CBLC: variants seen among roughly 807,000 people sequenced by gnomAD.
CBLC encodes E3 ubiquitin-protein ligase CBL-C.
Under a neutral mutation model 58.6 loss-of-function variants are expected in CBLC, and 46 were observed. The ratio of observed to expected loss-of-function variants is 0.79; its 90% CI spans 0.62 to 1.00. CBLC has a LOEUF of 1.00. CBLC is among the 50% of genes least tolerant of loss of function. The pLI is 0.00. For missense variants in CBLC, 655 were observed against 625.8 expected, an observed-to-expected ratio of 1.05 and a Z score of -0.50; for synonymous variants, 271 against 264.2, an observed-to-expected ratio of 1.03 and a Z score of -0.25.
intron 5 of CBLC, among the ~76,000 whole-genome samples, chr19:44,786,963 T>C (rs1431642697): frequency 6.6e-6 from 1 of 152,116 alleles, no homozygotes; most frequent in Non-Finnish European, 1.5e-5. Flanking sequence ...GGTGTATGCC[T>C]ATAATCCCAG....
rs748217307 is a variant in CBLC, at chr19:44,781,333, C to T, written c.627C>T (p.Phe209=). ...CCTGCAGCGGGCACGTGTCCATCTT[C>T]GAGTTCGACGTCTTCACCAGGCTCT... ...DLTCSGHVSI[F]EFDVFTRLFQ... The change falls in exon 3 of 11, where the codon TTC becomes TTT. Residue 209 remains phenylalanine, a synonymous_variant. Coordinates refer to ENST00000647358, the MANE Select transcript of CBLC (RefSeq NM_012116.4). 2 of 1,611,768 alleles carry T rather than the reference C, an allele frequency of 1.2e-6. No individual in the cohort carries two copies. The highest frequency in any genetic ancestry group is 1.1e-5 in the South Asian group (1 of 91,088).
chr19:44,796,208 C>T (rs776222879), intron 9 of CBLC, among the ~76,000 whole-genome samples: 9 of 151,954 alleles, frequency 5.9e-5, no homozygotes, highest in Non-Finnish European at 8.8e-5. Context: ...GAGGGTGAGA[C>T]CCTGTCTCAA....
chr19:44,796,917 G>C (rs970673439), intron 9 of CBLC, among the ~76,000 whole-genome samples: 6 of 152,060 alleles, frequency 3.9e-5, no homozygotes, highest in African/African-American at 1.4e-4. Flanking sequence ...GCGGTGGGGG[G>C]GAGGGTGGCG....
chr19:44,778,115 C>T lies in CBLC; in HGVS notation c.184C>T (p.Arg62Trp), dbSNP rs1967617699. The T allele has an allele frequency of 1.2e-6, 2 of 1,600,568 alleles. No individual in the cohort carries two copies. Among genetic ancestry groups the T allele is most frequent in the East Asian group, 4.5e-5 (2 of 44,584 alleles). ...AQLLREVAHSRRAAGGGGPGG... is the reference protein window; with the variant it reads ...AQLLREVAHSWRAAGGGGPGG... The stretch of plus-strand genomic sequence containing the variant: ...GCTGCTTCGAGAGGTGGCCCATTCT[C>T]GGCGGGCGGCCGGCGGAGGCGGCCC... Residue 62 changes from arginine (R) to tryptophan (W), a missense_variant, in exon 1 of 11, where the codon CGG (arginine) becomes TGG (tryptophan). Transcript: ENST00000647358.
chr19:44,778,282 C>T lies in CBLC; in HGVS notation c.351C>T (p.Leu117=). Residue 117 remains leucine, a splice_region_variant and synonymous_variant, in exon 1 of 11, where the codon CTC becomes CTT. Transcript: ENST00000647358. ...AGCTCTTCCGGGCGGGCTCCAGACT[C>T]AGGTGAGCCTTCGCCCCAGAACAAA... The part of the protein sequence containing the change: ...NDELFRAGSR[L]RRQLAKLAII... The T allele has an allele frequency of 1.4e-6, 2 of 1,433,468 alleles. No individual in the cohort carries two copies. Among genetic ancestry groups the T allele is most frequent in the Non-Finnish European group, 1.8e-6 (2 of 1,096,414 alleles). The allele number at this position is 1,433,468 out of a possible 1,614,324, so 88.8% of individuals were successfully genotyped here.
intron 4 of CBLC, 36 bp from the exon 5 acceptor site, chr19:44,784,228 A>C (rs1185958693): frequency 1.3e-6 from 2 of 1,532,108 alleles, no homozygotes; most frequent in Non-Finnish European, 1.8e-6. Flanking sequence ...GGCAGTGACC[A>C]CTCCCTCACC....
chr19:44,780,762 C>A, intron 1 of CBLC, 143 bp from the exon 2 acceptor site: 3 of 853,738 alleles, frequency 3.5e-6, no homozygotes, highest in Non-Finnish European at 5.3e-6. Context: ...CGTGAGCCAC[C>A]ACGCCCAGCA....
At chr19:44,796,795 G>A (rs1251191378) in intron 9 of CBLC, among the ~76,000 whole-genome samples, 3 of 151,984 alleles carry the variant, frequency 2.0e-5, no homozygotes, top group African/African-American at 2.4e-5. Flanking sequence ...TAGTATCTCC[G>A]GCTGAGTACA....
In CBLC at chr19:44,787,182, A is replaced by G. The variant is rs78829800; in HGVS notation, c.917+2781A>G. Among the ~76,000 whole-genome samples the G allele has an allele frequency of 0.015, 2,217 of 152,122 alleles. 197 individuals are homozygous for G. In the East Asian group the frequency reaches 0.26, roughly 18 times the overall value. On this transcript the variant is annotated intron_variant, in intron 5 of 10. Coordinates refer to ENST00000647358, the MANE Select transcript of CBLC (RefSeq NM_012116.4). ...GCTGAGGTGGGTGGATCACCAGGCC[A>G]GGAGATCGAGACCATCTTGGCTAAC...
rs931299718 is a variant in CBLC, at chr19:44,778,064, C to A, written c.133C>A (p.Arg45=). The change falls in exon 1 of 11, where the codon CGG becomes AGG. Residue 45 remains arginine, a synonymous_variant. Coordinates refer to ENST00000647358, the MANE Select transcript of CBLC (RefSeq NM_012116.4). ...PRLSVSPPSL[R]DLLPRTAQLL... is the part of the protein sequence containing the mutation. ...GCTGTCCGTGAGTCCCCCTTCGCTGCGGGACCTGCTGCCCCGCACAGCGCA... is the reference window on the plus strand; with the variant it reads ...GCTGTCCGTGAGTCCCCCTTCGCTGAGGGACCTGCTGCCCCGCACAGCGCA... The A allele has an allele frequency of 1.2e-6, 2 of 1,608,640 alleles. No homozygotes were observed. The highest frequency in any genetic ancestry group is 1.3e-5 in the African/African-American group (1 of 74,892).
chr19:44,794,734 A>T (rs1160156135), intron 9 of CBLC, among the ~76,000 whole-genome samples: 1 of 151,706 alleles, frequency 6.6e-6, no homozygotes, highest in Non-Finnish European at 1.5e-5. Flanking sequence ...CAGTGCGGGG[A>T]TTACAGGAGT....
chr19:44,794,393 A>C, intron 9 of CBLC, 112 bp downstream of exon 9: 1 of 809,220 alleles, frequency 1.2e-6, no homozygotes, highest in Non-Finnish European at 1.9e-6. Flanking sequence ...CTTGGCACCC[A>C]TTTCCAAGGC....
chr19:44,790,123 T>G (rs757640018), intron 6 of CBLC, 32 bp downstream of exon 6: 2 of 1,539,566 alleles, frequency 1.3e-6, no homozygotes, highest in African/African-American at 1.4e-5. Flanking sequence ...GCAGTCCCAG[T>G]TCCCTGACCC....
Position 44,793,400 on chromosome 19 carries a change from G to T in CBLC, c.1138-74G>T, listed in dbSNP as rs1007585576. On this transcript the variant is annotated intron_variant, in intron 7 of 10. Transcript: ENST00000647358. ...TCCCCACATCAATCTTTTGGGCGGGGAGCTCCTCGTTGGCCCAAGGGACAG... is the reference window on the plus strand; with the variant it reads ...TCCCCACATCAATCTTTTGGGCGGGTAGCTCCTCGTTGGCCCAAGGGACAG... The T allele has an allele frequency of 1.2e-5, 18 of 1,452,944 alleles. No homozygotes were observed. The Admixed American group carries it at 1.5e-4, about 12-fold the overall frequency. The allele number at this position is 1,452,944 out of a possible 1,614,324, so 90.0% of individuals were successfully genotyped here.
At chr19:44,799,625 C>T (rs1968245724) in intron 9 of CBLC, among the ~76,000 whole-genome samples, 1 of 151,816 alleles carries the variant, frequency 6.6e-6, no homozygotes. Context: ...AGCCACCGCG[C>T]GTGGCCCCTG....
intron 5 of CBLC, among the ~76,000 whole-genome samples, chr19:44,787,705 T>C (rs1967946901): frequency 6.7e-6 from 1 of 150,218 alleles, no homozygotes; most frequent in South Asian, 2.1e-4. Context: ...TAATTCCAGC[T>C]ACTTGGGAGG....
Position 44,784,410 on chromosome 19 carries a change from C to T in CBLC, c.917+9C>T. On this transcript the variant is annotated intron_variant, in intron 5 of 10. Coordinates refer to ENST00000647358, the MANE Select transcript of CBLC (RefSeq NM_012116.4). ...GGACAGAAGGACGGCTTGTGAGTCTCCATTCTGGTAGGAGGAGGGTGTCAG... is the reference window on the plus strand; with the variant it reads ...GGACAGAAGGACGGCTTGTGAGTCTTCATTCTGGTAGGAGGAGGGTGTCAG... The T allele has an allele frequency of 1.3e-6, 2 of 1,567,868 alleles. No homozygotes were observed. Among genetic ancestry groups the T allele is most frequent in the Non-Finnish European group, 1.7e-6 (2 of 1,145,232 alleles).
chr19:44,798,584 G>A lies in CBLC; in HGVS notation c.1363-1797G>A, dbSNP rs144103378. Among the ~76,000 whole-genome samples, 945 of 152,142 alleles carry A rather than the reference G, an allele frequency of 6.2e-3. 10 individuals carry two copies. Among genetic ancestry groups the A allele is most frequent in the African/African-American group, 0.018 (763 of 41,500 alleles). ...ACAAAAATTAGCTAGGCGTGGTGGC[G>A]GGCACCCGTAATCCCAGCTACTCGG... is the stretch of plus-strand genomic sequence containing the variant. On this transcript the variant is annotated intron_variant, in intron 9 of 10. Coordinates refer to ENST00000647358, the MANE Select transcript of CBLC (RefSeq NM_012116.4).
intron 9 of CBLC, among the ~76,000 whole-genome samples, chr19:44,796,781 C>A (rs1379895517): frequency 1.3e-5 from 2 of 152,114 alleles, no homozygotes; most frequent in East Asian, 1.9e-4. Context: ...AGAAGCAGAT[C>A]TCTTAGTATC....
Sources: allele counts gnomAD v4.1 joint callset (sites outside exome capture counted in the v4.1 genomes callset), GRCh38; gene constraint gnomAD v4.1.1; transcripts MANE v1.5; gene names NCBI Gene and HGNC (gene_info 2026-07-23, HGNC 2026-07-21).